Variants in NPSR1 observed in about 807,000 individuals in gnomAD.
The protein encoded by NPSR1 is neuropeptide S receptor.
Under a neutral mutation model 46.9 loss-of-function variants are expected in NPSR1, and 48 were observed. That is an observed-to-expected ratio of 1.02 (90% CI 0.81 to 1.30). NPSR1 has a LOEUF of 1.30. Ranked by LOEUF, NPSR1 falls within the 50% of genes most tolerant of loss-of-function variation. NPSR1 has a pLI of 0.00. For synonymous variants in NPSR1, 176 were observed against 168.1 expected (o/e 1.05, Z -0.36); for missense variants, 450 against 449.5 (o/e 1.00, Z -0.01).
chr7:34,734,421 G>GAGATATGGAGAAA (rs1285885285), intron 2 of NPSR1, among the ~76,000 whole-genome samples: 122 of 152,202 alleles, frequency 8.0e-4, no homozygotes, highest in Admixed American at 2.9e-3. Context: ...AAACAGGCAG[G>GAGATATGGAGAAA]CCTCAACTTC....
At chr7:34,873,528 G>A (rs1006585164) in intron 8 of NPSR1, among the ~76,000 whole-genome samples, 1 of 151,736 alleles carries the variant, frequency 6.6e-6, no homozygotes, top group Non-Finnish European at 1.5e-5. Flanking sequence ...TTACACCATG[G>A]TGAAAGGTGA....
intron 2 of NPSR1, among the ~76,000 whole-genome samples, chr7:34,728,065 T>C (rs1784249616): frequency 6.6e-6 from 1 of 151,718 alleles, no homozygotes; most frequent in Non-Finnish European, 1.5e-5. Flanking sequence ...TTTTTTTTTT[T>C]GAGGTGTAAG....
intron 8 of NPSR1, among the ~76,000 whole-genome samples, chr7:34,875,594 G>A (rs1791555979): frequency 6.6e-6 from 1 of 152,160 alleles, no homozygotes; most frequent in Non-Finnish European, 1.5e-5. Flanking sequence ...AGCGCTCCCT[G>A]AGAGGGTGTC....
intron 8 of NPSR1, among the ~76,000 whole-genome samples, chr7:34,857,515 T>C (rs745824659): frequency 5.3e-5 from 8 of 151,698 alleles, no homozygotes; most frequent in Non-Finnish European, 1.2e-4. Flanking sequence ...GGAAAGGGTG[T>C]TCTTTTCAAT....
In NPSR1 at chr7:34,811,800, C is replaced by T. The variant is rs1358936396; in HGVS notation, c.415C>T (p.Leu139=). Residue 139 remains leucine, a synonymous_variant, in exon 4 of 9, where the codon CTG becomes TTG. Transcript: ENST00000360581. ...VVLLYASTYV[L]VSLSIDRYHA... ...GCTGCTCTACGCCTCTACCTACGTC[C>T]TGGTGTCCCTCAGCATAGACAGATA... is the stretch of plus-strand genomic sequence containing the variant. 1 of 1,613,294 alleles carries T rather than the reference C, an allele frequency of 6.2e-7. No homozygotes were observed. Among genetic ancestry groups the T allele is most frequent in the East Asian group, 2.2e-5 (1 of 44,834 alleles).
chr7:34,694,461 A>G (rs1220774533), intron 2 of NPSR1, among the ~76,000 whole-genome samples: 1 of 152,218 alleles, frequency 6.6e-6, no homozygotes, highest in Non-Finnish European at 1.5e-5. Flanking sequence ...CTTTTAACCA[A>G]GGAGATGAAA....
chr7:34,692,773 G>C (rs1793332141), intron 2 of NPSR1, among the ~76,000 whole-genome samples: 2 of 152,168 alleles, frequency 1.3e-5, no homozygotes, highest in South Asian at 4.1e-4. Flanking sequence ...CAAAATGTTG[G>C]ATCTTTGAAA....
At chr7:34,774,835 G>C (rs115244620) in intron 2 of NPSR1, among the ~76,000 whole-genome samples, 1,549 of 152,260 alleles carry the variant, frequency 0.01, 28 homozygotes, top group African/African-American at 0.035. Context: ...CTTCTATGTA[G>C]TTCAGTATAT....
At chr7:34,812,454 G>T (rs532045601) in intron 4 of NPSR1, among the ~76,000 whole-genome samples, 1 of 152,288 alleles carries the variant, frequency 6.6e-6, no homozygotes, top group Admixed American at 6.5e-5. Context: ...GCTGAAGTGG[G>T]ATGGGAGGCC....
intron 8 of NPSR1, among the ~76,000 whole-genome samples, chr7:34,876,927 A>T (rs543011412): frequency 1.1e-3 from 162 of 152,352 alleles, no homozygotes; most frequent in African/African-American, 3.8e-3. Flanking sequence ...GGGTGGCAGG[A>T]GTCACTGGGG....
At chr7:34,664,069 A>G (rs1311560436) in intron 1 of NPSR1, among the ~76,000 whole-genome samples, 1 of 152,218 alleles carries the variant, frequency 6.6e-6, no homozygotes. Flanking sequence ...ACTCAGGTAG[A>G]TAAGAAATCT....
chr7:34,844,635 C>T (rs1271293848), intron 6 of NPSR1, among the ~76,000 whole-genome samples: 1 of 152,192 alleles, frequency 6.6e-6, no homozygotes, highest in Non-Finnish European at 1.5e-5. Context: ...TGCAGCTGTT[C>T]AGGCCATCTG....
intron 4 of NPSR1, among the ~76,000 whole-genome samples, chr7:34,818,405 A>G (rs1482406233): frequency 6.6e-6 from 1 of 152,198 alleles, no homozygotes; most frequent in African/African-American, 2.4e-5. Context: ...ACCACTGCGC[A>G]AGGAAATAAA....
At position 34,670,425 on chromosome 7, in the gene NPSR1, A is replaced by C. The variant is rs924176641; in HGVS notation, c.147+11866A>C. On this transcript the variant is annotated intron_variant, in intron 1 of 8. Transcript: ENST00000360581. ...AATAATGGTTCTTATATAAAGTTGT[A>C]AATCTCAGCTAGATTGCGGAACTAA... Among the ~76,000 whole-genome samples the C allele has an allele frequency of 9.2e-5, 14 of 152,196 alleles. No individual in the cohort carries two copies. In the East Asian group the frequency reaches 2.7e-3, roughly 29 times the overall value.
chr7:34,717,427 G>T (rs548937950), intron 2 of NPSR1, among the ~76,000 whole-genome samples: 1 of 152,238 alleles, frequency 6.6e-6, no homozygotes, highest in East Asian at 1.9e-4. Context: ...CACTGCGCCC[G>T]GCCACATAAC....
At chr7:34,834,340 G>T (rs1311504685) in intron 5 of NPSR1, 44 bp from the exon 6 acceptor site, 1 of 1,448,646 alleles carries the variant, frequency 6.9e-7, no homozygotes, top group Admixed American at 1.7e-5. Flanking sequence ...CTCACAGTAG[G>T]GATCCACCAG....
At chr7:34,717,246 C>T (rs572338459) in intron 2 of NPSR1, among the ~76,000 whole-genome samples, 18 of 152,302 alleles carry the variant, frequency 1.2e-4, no homozygotes, top group African/African-American at 4.1e-4. Context: ...GATTCTCCTG[C>T]CTCAGCCTCC....
At chr7:34,817,868 C>A (rs968161825) in intron 4 of NPSR1, among the ~76,000 whole-genome samples, 2 of 152,114 alleles carry the variant, frequency 1.3e-5, no homozygotes, top group Admixed American at 6.6e-5. Flanking sequence ...AAATCCAACG[C>A]CCTTCATGCT....
intron 2 of NPSR1, among the ~76,000 whole-genome samples, chr7:34,699,149 G>A (rs980845053): frequency 6.6e-6 from 1 of 152,090 alleles, no homozygotes; most frequent in Admixed American, 6.5e-5. Context: ...GAGGCTGCTG[G>A]CTCAAGCTTA....
Sources: gnomAD v4.1 joint callset for allele counts (sites outside exome capture counted in the v4.1 genomes callset) on GRCh38, gnomAD v4.1.1 for gene constraint, MANE v1.5 for transcripts, NCBI Gene and HGNC (gene_info 2026-07-23, HGNC 2026-07-21) for gene names.